CEP112: variants seen among roughly 807,000 people sequenced by gnomAD.
CEP112 encodes the protein centrosomal protein of 112 kDa.
Under a neutral mutation model 153.0 loss-of-function variants are expected in CEP112, and 127 were observed. That is an observed-to-expected ratio of 0.83 (90% confidence interval 0.72 to 0.96). The LOEUF (loss-of-function observed/expected upper bound fraction) is 0.96. CEP112 is among the 40% of genes least tolerant of loss of function. The pLI is 0.00. For missense variants in CEP112, 1,089 were observed against 1,101.2 expected, an observed-to-expected ratio of 0.99 and a Z score of 0.16; for synonymous variants, 358 against 374.4, an observed-to-expected ratio of 0.96 and a Z score of 0.51.
intron 21 of CEP112, among the ~76,000 whole-genome samples, chr17:65,810,430 C>G (rs377071862): frequency 3.2e-4 from 49 of 152,176 alleles, no homozygotes; most frequent in Middle Eastern, 3.4e-3. Context: ...CTCTTCATAT[C>G]CTGTCTCCTC....
intron 4 of CEP112, among the ~76,000 whole-genome samples, chr17:66,149,118 G>C (rs1156482692): frequency 6.6e-6 from 1 of 152,176 alleles, no homozygotes; most frequent in African/African-American, 2.4e-5. Context: ...TTCTGTTAAT[G>C]CTAATGTAGT....
chr17:65,908,450 C>T (rs1219908107), intron 19 of CEP112, among the ~76,000 whole-genome samples: 2 of 152,064 alleles, frequency 1.3e-5, no homozygotes, highest in African/African-American at 4.8e-5. Flanking sequence ...AATCCCAACA[C>T]TTTGGGAGGC....
At chr17:65,756,883 T>G (rs1489016582) in intron 21 of CEP112, among the ~76,000 whole-genome samples, 2 of 152,156 alleles carry the variant, frequency 1.3e-5, no homozygotes, top group African/African-American at 4.8e-5. Context: ...GAGGGCTATG[T>G]CATGGAGTGA....
At chr17:66,190,902 TG>T in intron 1 of CEP112, among the ~76,000 whole-genome samples, 1 of 152,376 alleles carries the variant, frequency 6.6e-6, no homozygotes, top group South Asian at 2.1e-4. Flanking sequence ...TCTTGGAAGT[TG>T]TGTAAAACCC....
chr17:66,167,304 T>A (rs1025612294), intron 4 of CEP112, among the ~76,000 whole-genome samples: 1 of 152,118 alleles, frequency 6.6e-6, no homozygotes, highest in African/African-American at 2.4e-5. Context: ...ATGATCACCA[T>A]ACCAGTGATG....
intron 20 of CEP112, among the ~76,000 whole-genome samples, chr17:65,881,926 G>C (rs2059091426): frequency 6.6e-6 from 1 of 152,216 alleles, no homozygotes; most frequent in African/African-American, 2.4e-5. Flanking sequence ...GGAATCAGTA[G>C]CACAATTCAC....
rs71160510 is a variant in CEP112 at position 65,951,749 on chromosome 17, C to CCCCCCG, written c.1872+9713_1872+9714insCGGGGG. Among the ~76,000 whole-genome samples the CCCCCCG allele has an allele frequency of 5.5e-3, 580 of 106,176 alleles. 64 individuals carry two copies. The highest frequency in any genetic ancestry group is 0.022 in the East Asian group (57 of 2,552). 69.7% of individuals were successfully genotyped at this position (106,176 alleles called of 152,430 possible). A position where few individuals can be genotyped will look rare whatever the true frequency, so the allele number is the denominator to read the frequency against. On this transcript the variant is annotated intron_variant, in intron 18 of 26. Coordinates refer to ENST00000535342, the MANE Select transcript of CEP112 (RefSeq NM_001199165.4). ...TCTGCTCTAATCTTCCCCCGCCCCC[C>CCCCCCG]CCTTTCTTCCACTTGCTTAGAAGCT...
chr17:65,773,061 G>A (rs565946171), intron 21 of CEP112, among the ~76,000 whole-genome samples: 2 of 152,136 alleles, frequency 1.3e-5, no homozygotes, highest in East Asian at 1.9e-4. Flanking sequence ...CACTGAAACC[G>A]AGAGACCCAG....
intron 24 of CEP112, chr17:65,688,296 G>A (rs1421832317): frequency 1.3e-5 from 2 of 152,168 alleles, no homozygotes; most frequent in Non-Finnish European, 2.9e-5. Context: ...AGACACTGTT[G>A]GCTGCATACT....
In CEP112 at chr17:65,723,342, T is replaced by G. The variant is rs2050000274; in HGVS notation, c.2607+19726A>C. 3.3e-5 allele frequency among the ~76,000 whole-genome samples: 5 copies of G among 152,188 alleles called. No individual in the cohort carries two copies. In the South Asian group the frequency reaches 1.0e-3, roughly 31 times the overall value. On this transcript the variant is annotated intron_variant, in intron 23 of 26. Transcript: ENST00000535342. The stretch of plus-strand genomic sequence containing the variant: ...CTTGGAAAATAGAGAGGAAAGTAAA[T>G]ATATCTCTCCAAAGAACATCAATAT...
rs536447355 is a variant in CEP112 at position 65,865,800 on chromosome 17, C to T, written c.2164-13766G>A. On this transcript the variant is annotated intron_variant, in intron 20 of 26. Coordinates refer to ENST00000535342, the MANE Select transcript of CEP112 (RefSeq NM_001199165.4). ...CCACTCCTGGGAGGCCCCTGGAGCC[C>T]GCCACTCTGGGAGCTGTTTTGATGG... 1.4e-4 allele frequency among the ~76,000 whole-genome samples: 21 copies of T among 152,308 alleles called. No homozygotes were observed. In the South Asian group the frequency reaches 1.7e-3, roughly 12 times the overall value.
chr17:65,847,982 G>A (rs1487668064), intron 21 of CEP112, among the ~76,000 whole-genome samples: 3 of 152,118 alleles, frequency 2.0e-5, no homozygotes, highest in Admixed American at 6.5e-5. Context: ...CCTTGTAGCC[G>A]AGGGCTGAGG....
intron 17 of CEP112, among the ~76,000 whole-genome samples, chr17:65,987,712 G>C (rs1472859979): frequency 1.3e-5 from 2 of 152,076 alleles, no homozygotes; most frequent in Non-Finnish European, 2.9e-5. Flanking sequence ...CAGTTCCCAG[G>C]ACCACAGGGA....
At chr17:65,786,337 T>C (rs1466576206) in intron 21 of CEP112, among the ~76,000 whole-genome samples, 2 of 152,056 alleles carry the variant, frequency 1.3e-5, no homozygotes, top group Non-Finnish European at 2.9e-5. Context: ...TGAGAATTTT[T>C]CTGTACACAA....
intron 8 of CEP112, among the ~76,000 whole-genome samples, chr17:66,080,443 C>T (rs929271096): frequency 6.6e-6 from 1 of 152,162 alleles, no homozygotes; most frequent in Non-Finnish European, 1.5e-5. Context: ...TAGAGAAATG[C>T]AAATTAAAAC....
chr17:65,996,867 A>G (rs1167763959), intron 17 of CEP112, among the ~76,000 whole-genome samples: 2 of 152,228 alleles, frequency 1.3e-5, no homozygotes, highest in African/African-American at 4.8e-5. Context: ...GAATTCACAC[A>G]AGAAGAAAGC....
rs555482871 is a variant in CEP112 at position 65,808,291 on chromosome 17, T to G, written c.2394+43513A>C. 1.2e-4 allele frequency among the ~76,000 whole-genome samples: 18 copies of G among 152,306 alleles called. No individual in the cohort carries two copies. In the South Asian group the frequency reaches 3.7e-3, roughly 32 times the overall value. On this transcript the variant is annotated intron_variant, in intron 21 of 26. Coordinates refer to ENST00000535342, the MANE Select transcript of CEP112 (RefSeq NM_001199165.4). Reference sequence around the variant, plus strand: ...CCATTGTATCTTGGAAGTAACTAACTTGTTTCTGATTTTACAGGCTCATAG... The same window carrying G: ...CCATTGTATCTTGGAAGTAACTAACGTGTTTCTGATTTTACAGGCTCATAG...
At chr17:65,821,516 A>ATATATATATATATATATATATATAAT (rs2056556021) in intron 21 of CEP112, among the ~76,000 whole-genome samples, 1 of 29,026 alleles carries the variant, frequency 3.4e-5, no homozygotes, top group Non-Finnish European at 5.7e-5. Context: ...ATATATAATT[A>ATATATATATATATATATATATATAAT]TATATATATA....
At position 65,666,409 on chromosome 17, in the gene CEP112, C is replaced by T. The variant is rs149006551; in HGVS notation, c.2697+22720G>A. On this transcript the variant is annotated intron_variant, in intron 24 of 26. Transcript: ENST00000535342. ...CATACTTAGTAGCCAACATTACTGA[C>T]GATCTGCTGATGACTGACCCTGGTG... Among the ~76,000 whole-genome samples, 10 of 152,312 alleles carry T rather than the reference C, an allele frequency of 6.6e-5. No homozygotes were observed. In the East Asian group the frequency reaches 7.7e-4, roughly 12 times the overall value.
Sources: gnomAD v4.1 joint callset for allele counts (sites outside exome capture counted in the v4.1 genomes callset) on GRCh38, gnomAD v4.1.1 for gene constraint, MANE v1.5 for transcripts, NCBI Gene and HGNC (gene_info 2026-07-23, HGNC 2026-07-21) for gene names.